ASPRV1: variants seen among roughly 807,000 people sequenced by gnomAD.
ASPRV1 encodes aspartic peptidase retroviral like 1, also known as retroviral-like aspartic protease 1.
ASPRV1 carries 7 observed loss-of-function variants against 11.0 expected under a neutral mutation model. That is an observed-to-expected ratio of 0.64 (90% confidence interval 0.36 to 1.20). The LOEUF is 1.20. ASPRV1 is among the 50% of genes most tolerant of loss of function. The probability of loss-of-function intolerance (pLI) is 0.02; values close to 1 mark genes in which losing one functional copy is unlikely to be tolerated. For missense variants in ASPRV1, 299 were observed against 320.0 expected, an observed-to-expected ratio of 0.93 and a Z score of 0.50; for synonymous variants, 136 against 138.4, an observed-to-expected ratio of 0.98 and a Z score of 0.12.
At chr2:70,044,345 C>A in the ASPRV1 span, among the ~76,000 whole-genome samples, 3 of 152,198 alleles carry the variant, frequency 2.0e-5, no homozygotes, top group Non-Finnish European at 4.4e-5. Context: ...TATTCCATCA[C>A]CTGACACCTT....
chr2:69,948,794 T>C, the ASPRV1 span, among the ~76,000 whole-genome samples: 1 of 152,006 alleles, frequency 6.6e-6, no homozygotes, highest in African/African-American at 2.4e-5. Context: ...CCGCCTCCCC[T>C]GTAAATCCTG....
the ASPRV1 span, among the ~76,000 whole-genome samples, chr2:69,969,068 C>A: frequency 6.6e-6 from 1 of 152,206 alleles, no homozygotes; most frequent in Admixed American, 6.5e-5. Flanking sequence ...CACTTGTTGC[C>A]TTCCTTGACA....
the ASPRV1 span, among the ~76,000 whole-genome samples, chr2:69,985,797 T>C: frequency 6.6e-6 from 1 of 151,816 alleles, no homozygotes; most frequent in Admixed American, 6.6e-5. Flanking sequence ...GTAGACGAGG[T>C]GGTGAAGAGC....
chr2:69,975,075 C>A, the ASPRV1 span, among the ~76,000 whole-genome samples: 1 of 152,204 alleles, frequency 6.6e-6, no homozygotes, highest in Admixed American at 6.5e-5. Context: ...TTGCTCCAGG[C>A]TAAGGTTGGA....
At chr2:70,006,725 G>T in the ASPRV1 span, among the ~76,000 whole-genome samples, 1 of 152,298 alleles carries the variant, frequency 6.6e-6, no homozygotes, top group South Asian at 2.1e-4. Flanking sequence ...AGTGGGATCT[G>T]TACTTGGTCA....
At chr2:69,965,978 T>C (rs895251184), upstream of ASPRV1, among the ~76,000 whole-genome samples, 4 of 152,164 alleles carry the variant, frequency 2.6e-5, no homozygotes, top group African/African-American at 9.7e-5. Context: ...TCTTTGCCCC[T>C]AGCTCAGAAC....
the ASPRV1 span, among the ~76,000 whole-genome samples, chr2:70,068,743 G>C: frequency 6.6e-6 from 1 of 150,642 alleles, no homozygotes; most frequent in Non-Finnish European, 1.5e-5. Flanking sequence ...AGACCAGCCT[G>C]ACCAACATGG....
chr2:70,061,963 C>CAA, the ASPRV1 span, among the ~76,000 whole-genome samples: 3 of 107,178 alleles, frequency 2.8e-5, no homozygotes, highest in South Asian at 6.0e-4. Flanking sequence ...AACTCTGTCT[C>CAA]AAAAAAAAAA....
At chr2:70,054,439 GC>G in the ASPRV1 span, among the ~76,000 whole-genome samples, 1 of 151,644 alleles carries the variant, frequency 6.6e-6, no homozygotes, top group African/African-American at 2.4e-5. Flanking sequence ...AATTAGCCCG[GC>G]GCGGTGGCAG....
chr2:70,035,218 A>T, the ASPRV1 span, among the ~76,000 whole-genome samples: 1 of 152,190 alleles, frequency 6.6e-6, no homozygotes, highest in Non-Finnish European at 1.5e-5. Flanking sequence ...GAGCCTCCTC[A>T]ATTGTTCCAG....
upstream of ASPRV1, chr2:69,963,519 G>T (rs1231463968): frequency 1.3e-5 from 6 of 446,382 alleles, no homozygotes; most frequent in Non-Finnish European, 2.3e-5. Flanking sequence ...GGAAATGAGT[G>T]AGGAGGTTAG....
chr2:70,002,941 CA>C, the ASPRV1 span: 1 of 152,274 alleles, frequency 6.6e-6, no homozygotes, highest in South Asian at 2.1e-4. Flanking sequence ...GCCCAGAGGC[CA>C]AAAGAACCCT....
chr2:69,937,300 C>G, the ASPRV1 span: 1 of 1,614,186 alleles, frequency 6.2e-7, no homozygotes, highest in Non-Finnish European at 8.5e-7. Context: ...AGCAGCGACA[C>G]CTGAAGAGGC....
chr2:70,012,909 A>C, the ASPRV1 span, among the ~76,000 whole-genome samples: 1 of 152,240 alleles, frequency 6.6e-6, no homozygotes, highest in African/African-American at 2.4e-5. Context: ...AAATGAATTA[A>C]GTGAACCTGT....
the ASPRV1 span, among the ~76,000 whole-genome samples, chr2:70,066,268 C>T: frequency 6.6e-6 from 1 of 151,096 alleles, no homozygotes; most frequent in African/African-American, 2.4e-5. Context: ...GATGGAGTTT[C>T]GCTCTTGTTG....
the ASPRV1 span, among the ~76,000 whole-genome samples, chr2:69,977,026 T>C: frequency 6.6e-6 from 1 of 151,992 alleles, no homozygotes; most frequent in Non-Finnish European, 1.5e-5. Context: ...ACCCCGTCTC[T>C]ACTAAAAATA....
chr2:70,064,102 AGT>A, the ASPRV1 span: 1 of 152,208 alleles, frequency 6.6e-6, no homozygotes, highest in Non-Finnish European at 1.5e-5. Context: ...TTCATGAGCA[AGT>A]GTTTTGTGTC....
At chr2:69,964,696 A>G (rs2104298082), upstream of ASPRV1, 1 of 188,806 alleles carries the variant, frequency 5.3e-6, no homozygotes, top group Non-Finnish European at 1.1e-5. Context: ...CCCTGAAGCA[A>G]GCACACCGCA....
At chr2:70,017,675 T>C in the ASPRV1 span, among the ~76,000 whole-genome samples, 7 of 152,136 alleles carry the variant, frequency 4.6e-5, no homozygotes, top group Non-Finnish European at 7.4e-5. Context: ...GATAAACATA[T>C]TCAGTAAAGT....
Sources: gnomAD v4.1 joint callset for allele counts (sites outside exome capture counted in the v4.1 genomes callset) on GRCh38, gnomAD v4.1.1 for gene constraint, MANE v1.5 for transcripts, NCBI Gene and HGNC (gene_info 2026-07-23, HGNC 2026-07-21) for gene names.